Variants in CAMTA1 observed in about 807,000 individuals in gnomAD.
The protein encoded by CAMTA1 is calmodulin-binding transcription activator 1.
A neutral mutation model predicts 170.9 loss-of-function variants in CAMTA1; 27 were observed. The ratio of observed to expected loss-of-function variants is 0.16; its 90% CI spans 0.12 to 0.22. The LOEUF is 0.22. Ranked by LOEUF, CAMTA1 falls within the 10% of genes least tolerant of loss-of-function variation. The pLI, the probability that CAMTA1 is intolerant of heterozygous loss-of-function variation, is 1.00. For synonymous variants in CAMTA1, 833 were observed against 891.5 expected, an observed-to-expected ratio of 0.93 and a Z score of 1.17; for missense variants, 1,619 against 2,217.2, an observed-to-expected ratio of 0.73 and a Z score of 5.42.
intron 4 of CAMTA1, among the ~76,000 whole-genome samples, chr1:7,220,826 T>C (rs2149127137): frequency 6.6e-6 from 1 of 152,356 alleles, no homozygotes; most frequent in African/African-American, 2.4e-5. Context: ...GGGTTTTAAC[T>C]TCCCACGAGT....
intron 6 of CAMTA1, among the ~76,000 whole-genome samples, chr1:7,637,243 G>T (rs2095719036): frequency 6.6e-6 from 1 of 152,190 alleles, no homozygotes; most frequent in Non-Finnish European, 1.5e-5. Context: ...CGACTGTGGG[G>T]CAGGATGCGG....
chr1:6,982,838 G>A (rs1300469840), intron 3 of CAMTA1, among the ~76,000 whole-genome samples: 2 of 152,134 alleles, frequency 1.3e-5, no homozygotes, highest in South Asian at 2.1e-4. Flanking sequence ...GAGCAGGAGC[G>A]ATCCTGCCTC....
Position 7,553,974 on chromosome 1 carries a change from C to A in CAMTA1, c.510+86073C>A, listed in dbSNP as rs549107861. Among the ~76,000 whole-genome samples, 4 of 152,298 alleles carry A rather than the reference C, an allele frequency of 2.6e-5. No individual in the cohort carries two copies. In the South Asian group the frequency reaches 8.3e-4, roughly 32 times the overall value. ...GGTCCTAGCAATTTGTACTCAGGTTCTTTCAGTGGGCCACAAAGTGATGGG... is the reference window on the plus strand; with the variant it reads ...GGTCCTAGCAATTTGTACTCAGGTTATTTCAGTGGGCCACAAAGTGATGGG... On this transcript the variant is annotated intron_variant, in intron 6 of 22. Transcript: ENST00000303635.
intron 6 of CAMTA1, among the ~76,000 whole-genome samples, chr1:7,568,205 TCAC>T (rs1303610350): frequency 6.6e-6 from 1 of 150,718 alleles, no homozygotes; most frequent in Non-Finnish European, 1.5e-5. Context: ...ACCATCATCA[TCAC>T]CACATCACCA....
intron 5 of CAMTA1, among the ~76,000 whole-genome samples, chr1:7,315,139 T>A: frequency 6.6e-6 from 1 of 152,158 alleles, no homozygotes; most frequent in Non-Finnish European, 1.5e-5. Context: ...TGGAAAGCAA[T>A]TGGCAGCTGC....
chr1:7,436,185 G>A (rs1467527462), intron 5 of CAMTA1, among the ~76,000 whole-genome samples: 2 of 152,230 alleles, frequency 1.3e-5, no homozygotes, highest in Non-Finnish European at 2.9e-5. Flanking sequence ...CAGTCTGGGA[G>A]GCGAGAGGGA....
chr1:7,498,314 G>A (rs1468002227), intron 6 of CAMTA1, among the ~76,000 whole-genome samples: 1 of 151,178 alleles, frequency 6.6e-6, no homozygotes, highest in East Asian at 2.0e-4. Flanking sequence ...GTGTGGATGT[G>A]TGTGTAAGAG....
chr1:7,439,702 C>T (rs1001564315), intron 5 of CAMTA1, among the ~76,000 whole-genome samples: 1 of 152,212 alleles, frequency 6.6e-6, no homozygotes, highest in Admixed American at 6.5e-5. Context: ...AGGACTGCCC[C>T]ACTGTGATGA....
At chr1:7,602,007 A>G (rs2095448269) in intron 6 of CAMTA1, among the ~76,000 whole-genome samples, 1 of 139,702 alleles carries the variant, frequency 7.2e-6, no homozygotes, top group African/African-American at 2.8e-5. Context: ...GGAGAGGGAG[A>G]GGGAGAGGGA....
intron 4 of CAMTA1, among the ~76,000 whole-genome samples, chr1:7,101,198 G>A (rs1261643835): frequency 6.6e-6 from 1 of 152,178 alleles, no homozygotes; most frequent in Non-Finnish European, 1.5e-5. Context: ...TCCTTGGTTT[G>A]GAGAATTAGG....
At chr1:6,940,691 G>C (rs559349504) in intron 3 of CAMTA1, among the ~76,000 whole-genome samples, 9 of 152,048 alleles carry the variant, frequency 5.9e-5, no homozygotes, top group Non-Finnish European at 1.0e-4. Context: ...GACACTTAAG[G>C]ACTCTAGGGG....
chr1:7,459,806 C>T (rs940180612), intron 5 of CAMTA1, among the ~76,000 whole-genome samples: 3 of 152,192 alleles, frequency 2.0e-5, no homozygotes, highest in Non-Finnish European at 4.4e-5. Context: ...ACTCTGGCTA[C>T]GTGCCACATG....
intron 5 of CAMTA1, among the ~76,000 whole-genome samples, chr1:7,292,189 C>A (rs968411118): frequency 2.0e-5 from 3 of 152,042 alleles, no homozygotes; most frequent in Non-Finnish European, 4.4e-5. Flanking sequence ...ATTGCTGAAG[C>A]GCTGGCTTGT....
At chr1:7,507,138 TCACACTCACTCC>T (rs1256673060) in intron 6 of CAMTA1, among the ~76,000 whole-genome samples, 6 of 148,174 alleles carry the variant, frequency 4.0e-5, no homozygotes, top group Non-Finnish European at 7.4e-5. Flanking sequence ...ATTCACACAC[TCACACTCACTCC>T]CACACTCACA....
chr1:7,162,165 C>T (rs952251444), intron 4 of CAMTA1, among the ~76,000 whole-genome samples: 2 of 152,078 alleles, frequency 1.3e-5, no homozygotes, highest in Non-Finnish European at 2.9e-5. Flanking sequence ...CAGGAGAAAG[C>T]AGGGAGCTGT....
At chr1:7,719,602 C>T (rs180686697) in intron 11 of CAMTA1, among the ~76,000 whole-genome samples, 30 of 152,288 alleles carry the variant, frequency 2.0e-4, no homozygotes, top group African/African-American at 5.8e-4. Flanking sequence ...GTTTTTTCTA[C>T]GGCTAAATTT....
Position 7,173,907 on chromosome 1 carries a change from C to T in CAMTA1, c.303-75584C>T, listed in dbSNP as rs1304757375. On this transcript the variant is annotated intron_variant, in intron 4 of 22. Coordinates refer to ENST00000303635, the MANE Select transcript of CAMTA1 (RefSeq NM_015215.4). This position sits in a 1 kb window ranked among gnomAD's most constrained non-coding sequence, Gnocchi z 5.4. ...CCCACAGGGACTCAACAGGACCCAG[C>T]AGGTACCAACAAAACCTAGTGGAAC... Among the ~76,000 whole-genome samples the T allele has an allele frequency of 6.6e-6, 1 of 152,108 alleles. No individual in the cohort carries two copies. The highest frequency in any genetic ancestry group is 1.5e-5 in the Non-Finnish European group (1 of 68,022).
intron 5 of CAMTA1, among the ~76,000 whole-genome samples, chr1:7,427,800 G>C (rs963411372): frequency 1.3e-5 from 2 of 152,176 alleles, no homozygotes; most frequent in Non-Finnish European, 2.9e-5. Flanking sequence ...GGGGAGAGTG[G>C]GTTACCCCTG....
At chr1:7,119,095 A>C (rs1344447687) in intron 4 of CAMTA1, among the ~76,000 whole-genome samples, 4 of 152,210 alleles carry the variant, frequency 2.6e-5, no homozygotes, top group Non-Finnish European at 5.9e-5. Context: ...TAATTCACAG[A>C]GCTCTCCAAG....
Sources: gnomAD v4.1 joint callset for allele counts (sites outside exome capture counted in the v4.1 genomes callset) on GRCh38, gnomAD v4.1.1 for gene constraint, Gnocchi (gnomAD v3.1) non-coding constraint, MANE v1.5 for transcripts, NCBI Gene and HGNC (gene_info 2026-07-23, HGNC 2026-07-21) for gene names.